TSNARE1: variants seen among roughly 807,000 people sequenced by gnomAD.
TSNARE1 encodes the protein t-SNARE domain containing 1, also known as t-SNARE domain-containing protein 1.
TSNARE1 carries 49 observed loss-of-function variants against 62.0 expected under a neutral mutation model. The ratio of observed to expected loss-of-function variants is 0.79; its 90% CI spans 0.63 to 1.00. The LOEUF (loss-of-function observed/expected upper bound fraction) is 1.00. TSNARE1 is among the 50% of genes least tolerant of loss of function. TSNARE1 has a pLI of 0.00. For synonymous variants in TSNARE1, 328 were observed against 294.4 expected, an observed-to-expected ratio of 1.11 and a Z score of -1.17; for missense variants, 755 against 700.1, an observed-to-expected ratio of 1.08 and a Z score of -0.88.
At chr8:142,329,540 G>C (rs1437226554) in intron 6 of TSNARE1, among the ~76,000 whole-genome samples, 1 of 152,192 alleles carries the variant, frequency 6.6e-6, no homozygotes, top group African/African-American at 2.4e-5. Flanking sequence ...CCACCACACT[G>C]AAGAGACGGG....
Position 142,330,902 on chromosome 8 carries a change from G to A in TSNARE1, c.892C>T (p.Leu298=), listed in dbSNP as rs760747679. ...AGATACCATGGCCCACACACTCACA[G>A]GCTGTCCCGAAGCTCCTGCGTGTCA... ...PSDTQELRDS[L]HTAQQETNKT... Residue 298 remains leucine, a splice_region_variant and synonymous_variant, in exon 6 of 14, where the codon CTG becomes TTG. Coordinates refer to ENST00000524325, the MANE Select transcript of TSNARE1 (RefSeq NM_145003.5). 4 of 1,614,080 alleles carry A rather than the reference G, an allele frequency of 2.5e-6. No individual in the cohort carries two copies. Among genetic ancestry groups the A allele is most frequent in the Non-Finnish European group, 3.4e-6 (4 of 1,179,974 alleles).
intron 7 of TSNARE1, among the ~76,000 whole-genome samples, chr8:142,317,866 G>A (rs998868431): frequency 9.9e-5 from 15 of 152,210 alleles, no homozygotes; most frequent in Non-Finnish European, 1.9e-4. Context: ...GCTGAGGCAT[G>A]AGAATCACTT....
At chr8:142,288,986 C>A (rs1000858215) in intron 10 of TSNARE1, among the ~76,000 whole-genome samples, 1 of 152,196 alleles carries the variant, frequency 6.6e-6, no homozygotes, top group East Asian at 1.9e-4. Flanking sequence ...GGTTCCCACT[C>A]CCTGACCTCT....
chr8:142,274,540 G>A (rs1292939716), intron 12 of TSNARE1: 5 of 985,300 alleles, frequency 5.1e-6, no homozygotes, highest in Middle Eastern at 5.2e-4. Flanking sequence ...GCGGCGTGGT[G>A]CATACAAGAG....
At chr8:142,252,648 G>A (rs1586854069) in intron 12 of TSNARE1, among the ~76,000 whole-genome samples, 1 of 152,226 alleles carries the variant, frequency 6.6e-6, no homozygotes, top group Admixed American at 6.5e-5. Context: ...CAGGACCCAG[G>A]TCAGGGCACT....
intron 12 of TSNARE1, among the ~76,000 whole-genome samples, chr8:142,237,610 G>A (rs1031300672): frequency 2.0e-5 from 3 of 152,174 alleles, no homozygotes; most frequent in African/African-American, 7.2e-5. Context: ...AGAGATGACT[G>A]CACGTTTGGT....
chr8:142,256,418 A>T (rs925143312), intron 12 of TSNARE1, among the ~76,000 whole-genome samples: 34 of 20,156 alleles, frequency 1.7e-3, no homozygotes, highest in African/African-American at 5.9e-3. Flanking sequence ...CACCATCATT[A>T]TCACCACCAT....
At chr8:142,281,909 T>C (rs35951447) in intron 11 of TSNARE1, among the ~76,000 whole-genome samples, 86,174 of 151,792 alleles carry the variant, frequency 0.57, 26,204 homozygotes, top group African/African-American at 0.8. Context: ...GTCAGGTCCT[T>C]GATGGGTGGC....
intron 12 of TSNARE1, among the ~76,000 whole-genome samples, chr8:142,266,218 T>C (rs1166313538): frequency 6.6e-6 from 1 of 152,270 alleles, no homozygotes; most frequent in Non-Finnish European, 1.5e-5. Flanking sequence ...GTTCCATCCT[T>C]TGTAAAAAAT....
intron 2 of TSNARE1, among the ~76,000 whole-genome samples, chr8:142,347,506 C>T (rs1833529713): frequency 6.6e-6 from 1 of 152,222 alleles, no homozygotes; most frequent in African/African-American, 2.4e-5. Flanking sequence ...CAGAGACACA[C>T]TCTCCAAGCT....
intron 7 of TSNARE1, among the ~76,000 whole-genome samples, chr8:142,316,060 A>G (rs1325638048): frequency 6.6e-6 from 1 of 152,136 alleles, no homozygotes; most frequent in African/African-American, 2.4e-5. Context: ...GCAACCCTCC[A>G]CCATGTGGGG....
Position 142,331,802 on chromosome 8 carries a change from C to T in TSNARE1, c.775G>A (p.Glu259Lys). ...TTGGCCGACATCTCCTGGAACAGCT[C>T]CTGGAGGTTGCACGGATCGACCTGG... ...ATQVDPCNLQ[E>K]LFQEMSANVF... Residue 259 changes from glutamate to lysine, a missense_variant, in exon 5 of 14, where the codon GAG (glutamate) becomes AAG (lysine). Coordinates refer to ENST00000524325, the MANE Select transcript of TSNARE1 (RefSeq NM_145003.5). 1 of 1,608,986 alleles carries T rather than the reference C, an allele frequency of 6.2e-7. No homozygotes were observed. Among genetic ancestry groups the T allele is most frequent in the Non-Finnish European group, 8.5e-7 (1 of 1,177,792 alleles).
chr8:142,324,709 C>T (rs1194180558), intron 6 of TSNARE1, among the ~76,000 whole-genome samples: 1 of 152,186 alleles, frequency 6.6e-6, no homozygotes, highest in African/African-American at 2.4e-5. Flanking sequence ...CTGGAGTGGG[C>T]AGAGGTAGGG....
chr8:142,274,185 G>A, intron 12 of TSNARE1: 3 of 985,460 alleles, frequency 3.0e-6, no homozygotes, highest in Non-Finnish European at 3.6e-6. Flanking sequence ...CCACAATGGG[G>A]ACAGAGCCAG....
At chr8:142,267,271 T>C (rs1225843897) in intron 12 of TSNARE1, among the ~76,000 whole-genome samples, 1 of 152,194 alleles carries the variant, frequency 6.6e-6, no homozygotes, top group Non-Finnish European at 1.5e-5. Flanking sequence ...AAGGCCTGAC[T>C]AGGGGATCTT....
intron 12 of TSNARE1, among the ~76,000 whole-genome samples, chr8:142,255,938 TCAC>T (rs1818484260): frequency 1.0e-4 from 1 of 9,904 alleles, no homozygotes; most frequent in African/African-American, 2.3e-4. Context: ...ACCATCACCA[TCAC>T]CACCATCATC....
At chr8:142,234,791 C>T (rs1817322712) in intron 12 of TSNARE1, among the ~76,000 whole-genome samples, 1 of 152,066 alleles carries the variant, frequency 6.6e-6, no homozygotes, top group African/African-American at 2.4e-5. Context: ...GGGGGAGACG[C>T]CCAAGCCTAG....
intron 2 of TSNARE1, among the ~76,000 whole-genome samples, chr8:142,350,982 C>G (rs118134056): frequency 3.3e-5 from 5 of 152,198 alleles, no homozygotes; most frequent in Non-Finnish European, 7.3e-5. Context: ...AACTGCAGGT[C>G]GGGTATGGCA....
intron 6 of TSNARE1, 87 bp from the exon 7 acceptor site, chr8:142,318,721 G>T: frequency 7.7e-7 from 1 of 1,294,990 alleles, no homozygotes; most frequent in Admixed American, 1.7e-5. Context: ...AAGCAGGGAC[G>T]CACGGGCCGA....
Sources: gnomAD v4.1 joint callset for allele counts (sites outside exome capture counted in the v4.1 genomes callset) on GRCh38, gnomAD v4.1.1 for gene constraint, MANE v1.5 for transcripts, NCBI Gene and HGNC (gene_info 2026-07-23, HGNC 2026-07-21) for gene names.